The following ADAMTS17 variants were observed in gnomAD, a reference collection of about 807,000 sequenced individuals.
The protein encoded by ADAMTS17 is A disintegrin and metalloproteinase with thrombospondin motifs 17.
Under a neutral mutation model 141.5 loss-of-function variants are expected in ADAMTS17, and 113 were observed. That is an observed-to-expected ratio of 0.80 (90% confidence interval 0.69 to 0.93). The LOEUF (loss-of-function observed/expected upper bound fraction) is 0.93. Among genes scored for constraint, ADAMTS17 ranks in the 40% least tolerant of loss-of-function variants. The pLI, the probability that ADAMTS17 is intolerant of heterozygous loss-of-function variation, is 0.00. For synonymous variants in ADAMTS17, 768 were observed against 630.6 expected, an observed-to-expected ratio of 1.22 and a Z score of -3.27; for missense variants, 1,659 against 1,517.9, an observed-to-expected ratio of 1.09 and a Z score of -1.54.
intron 7 of ADAMTS17, among the ~76,000 whole-genome samples, chr15:100,202,342 T>C (rs2141656643): frequency 6.6e-6 from 1 of 152,350 alleles, no homozygotes; most frequent in South Asian, 2.1e-4. Context: ...AATCAGTTTA[T>C]TTACAAGAAA....
At chr15:100,299,979 T>C (rs1056095641) in intron 3 of ADAMTS17, among the ~76,000 whole-genome samples, 4 of 152,240 alleles carry the variant, frequency 2.6e-5, no homozygotes, top group Non-Finnish European at 5.9e-5. Context: ...TCAGTCATTG[T>C]TTCTGAATGA....
At chr15:99,978,158 C>T (rs558075184) in intron 20 of ADAMTS17, among the ~76,000 whole-genome samples, 7 of 152,284 alleles carry the variant, frequency 4.6e-5, no homozygotes, top group African/African-American at 1.4e-4. Flanking sequence ...TCCTGGGGGT[C>T]ATGCGGAGTC....
intron 18 of ADAMTS17, among the ~76,000 whole-genome samples, chr15:100,015,623 G>T (rs948336630): frequency 2.6e-5 from 4 of 152,114 alleles, no homozygotes; most frequent in African/African-American, 9.7e-5. Flanking sequence ...CTTCATATAT[G>T]ATGCTTACTT....
chr15:100,218,472 T>C (rs879368958), intron 7 of ADAMTS17, among the ~76,000 whole-genome samples: 4 of 152,122 alleles, frequency 2.6e-5, no homozygotes, highest in Non-Finnish European at 5.9e-5. Flanking sequence ...TCAATAAGCA[T>C]GGGAAAATAT....
chr15:100,266,590 C>T (rs1031694746), intron 4 of ADAMTS17, among the ~76,000 whole-genome samples: 9 of 152,212 alleles, frequency 5.9e-5, no homozygotes, highest in Non-Finnish European at 1.2e-4. Flanking sequence ...CCTGCAAGGT[C>T]GGCCTGCCCG....
chr15:100,157,503 T>A (rs887627430), intron 8 of ADAMTS17, among the ~76,000 whole-genome samples: 1 of 152,118 alleles, frequency 6.6e-6, no homozygotes, highest in Non-Finnish European at 1.5e-5. Context: ...CACCTAGGTA[T>A]AGATGGCCAT....
chr15:100,205,354 T>C (rs1038399745), intron 7 of ADAMTS17, among the ~76,000 whole-genome samples: 3 of 152,100 alleles, frequency 2.0e-5, no homozygotes, highest in African/African-American at 7.2e-5. Flanking sequence ...AGTTTGCTGC[T>C]AGAAACCAAA....
intron 12 of ADAMTS17, among the ~76,000 whole-genome samples, chr15:100,118,239 G>A (rs2037263729): frequency 6.6e-6 from 1 of 152,210 alleles, no homozygotes; most frequent in Non-Finnish European, 1.5e-5. Flanking sequence ...AAAAGAACAG[G>A]CATGGCTGTG....
At chr15:100,016,588 A>G (rs148035250) in intron 18 of ADAMTS17, among the ~76,000 whole-genome samples, 2 of 152,044 alleles carry the variant, frequency 1.3e-5, no homozygotes, top group African/African-American at 4.8e-5. Context: ...CCCTTTTCCT[A>G]TGGATATGGC....
intron 7 of ADAMTS17, among the ~76,000 whole-genome samples, chr15:100,216,904 C>T (rs771853259): frequency 1.3e-5 from 2 of 152,214 alleles, no homozygotes; most frequent in African/African-American, 2.4e-5. Flanking sequence ...TTCTTGGAAA[C>T]ATCACATGTT....
intron 6 of ADAMTS17, among the ~76,000 whole-genome samples, chr15:100,258,945 G>A (rs1273479315): frequency 6.7e-6 from 1 of 150,338 alleles, no homozygotes; most frequent in Non-Finnish European, 1.5e-5. Flanking sequence ...GACATTTATT[G>A]CCTCTGGAAA....
Position 100,221,728 on chromosome 15 carries a change from G to A in ADAMTS17, c.1076-22305C>T, listed in dbSNP as rs75327800. ...CTGTTTCTGTAAATGGATGAAGAGT[G>A]CCTCTGGGACAGGTTTGCCGGGTGG... On this transcript the variant is annotated intron_variant, in intron 7 of 21. Transcript: ENST00000268070. Among the ~76,000 whole-genome samples, 4,486 of 152,286 alleles carry A rather than the reference G, an allele frequency of 0.029. 363 individuals carry two copies. The East Asian group carries it at 0.3, about 10-fold the overall frequency.
At chr15:100,237,258 G>A (rs1034618084) in intron 7 of ADAMTS17, among the ~76,000 whole-genome samples, 1 of 152,138 alleles carries the variant, frequency 6.6e-6, no homozygotes, top group Non-Finnish European at 1.5e-5. Context: ...GTCTGAGGAC[G>A]GCACCAGGCA....
At chr15:100,335,154 G>T (rs770628963) in intron 2 of ADAMTS17, among the ~76,000 whole-genome samples, 13 of 152,202 alleles carry the variant, frequency 8.5e-5, no homozygotes, top group Middle Eastern at 6.8e-3. Context: ...CTCCTGGATG[G>T]GGCCCAGCAG....
At chr15:100,059,564 C>A (rs1168465699) in intron 15 of ADAMTS17, among the ~76,000 whole-genome samples, 1 of 152,206 alleles carries the variant, frequency 6.6e-6, no homozygotes, top group Admixed American at 6.5e-5. Context: ...ATCAGAAGTT[C>A]GCGCCTGACA....
intron 7 of ADAMTS17, among the ~76,000 whole-genome samples, chr15:100,241,439 C>G (rs1567413847): frequency 6.6e-6 from 1 of 152,218 alleles, no homozygotes; most frequent in Non-Finnish European, 1.5e-5. Flanking sequence ...TAGAAACACA[C>G]ACTAGCACTT....
In ADAMTS17 at chr15:99,973,548, C is replaced by G. The variant is rs933172667; in HGVS notation, c.*854G>C. 1 of 152,342 alleles carries G rather than the reference C, an allele frequency of 6.6e-6. No individual in the cohort carries two copies. The highest frequency in any genetic ancestry group is 2.4e-5 in the African/African-American group (1 of 41,456). 9.4% of individuals were successfully genotyped at this position (152,342 alleles called of 1,614,324 possible). A position where few individuals can be genotyped will look rare whatever the true frequency, so the allele number is the denominator to read the frequency against. Reference sequence around the variant, plus strand: ...GAAGGCGGGGCAGGTGCCCATCCGCCCCAGTGAAGCTGGCCCAAGCTTACC... The same window carrying G: ...GAAGGCGGGGCAGGTGCCCATCCGCGCCAGTGAAGCTGGCCCAAGCTTACC... On this transcript the variant is annotated 3_prime_UTR_variant, in exon 22 of 22. Transcript: ENST00000268070.
At chr15:100,340,929 C>A in intron 2 of ADAMTS17, 110 bp downstream of exon 2, 2 of 1,459,346 alleles carry the variant, frequency 1.4e-6, no homozygotes, top group Admixed American at 4.0e-5. Context: ...CCCTCCGGTT[C>A]CCCTGGAGGC....
At chr15:100,040,010 T>G (rs1478754612) in intron 18 of ADAMTS17, among the ~76,000 whole-genome samples, 1 of 152,250 alleles carries the variant, frequency 6.6e-6, no homozygotes, top group Non-Finnish European at 1.5e-5. Flanking sequence ...AGTATAGCAC[T>G]CCTGCTTTCT....
Sources: gnomAD v4.1 joint callset for allele counts (sites outside exome capture counted in the v4.1 genomes callset) on GRCh38, gnomAD v4.1.1 for gene constraint, MANE v1.5 for transcripts, NCBI Gene and HGNC (gene_info 2026-07-23, HGNC 2026-07-21) for gene names.